The following PIK3C2A variants were observed in gnomAD, a reference collection of about 807,000 sequenced individuals.
PIK3C2A encodes phosphatidylinositol-4-phosphate 3-kinase catalytic subunit type 2 alpha.
Under a neutral mutation model 204.5 loss-of-function variants are expected in PIK3C2A, and 97 were observed. The ratio of observed to expected loss-of-function variants is 0.47; its 90% CI spans 0.40 to 0.56. The LOEUF is 0.56. PIK3C2A is among the 20% of genes least tolerant of loss of function. The probability of loss-of-function intolerance (pLI) is 0.00; values close to 1 mark genes in which losing one functional copy is unlikely to be tolerated. For missense variants in PIK3C2A, 1,735 were observed against 1,969.2 expected, an observed-to-expected ratio of 0.88 and a Z score of 2.25; for synonymous variants, 653 against 664.4, an observed-to-expected ratio of 0.98 and a Z score of 0.26.
At chr11:17,193,830 G>C (rs1852023745) in intron 1 of PIK3C2A, 1 of 151,188 alleles carries the variant, frequency 6.6e-6, no homozygotes. Context: ...TGGCAACAGA[G>C]CGAGACTCTG....
intron 1 of PIK3C2A, among the ~76,000 whole-genome samples, chr11:17,176,122 G>A (rs1851329852): frequency 6.6e-6 from 1 of 151,474 alleles, no homozygotes; most frequent in Non-Finnish European, 1.5e-5. Flanking sequence ...TCCTGCCTCA[G>A]CCTCCTGAGT....
intron 13 of PIK3C2A, 48 bp downstream of exon 13, chr11:17,129,252 T>C: frequency 1.4e-6 from 2 of 1,455,574 alleles, no homozygotes; most frequent in Non-Finnish European, 1.9e-6. Context: ...AATTCTGATG[T>C]GCAGATGTGT....
At position 17,089,812 on chromosome 11, in the gene PIK3C2A, G is replaced by C; in HGVS notation, c.4987C>G (p.Leu1663Val). Residue 1663 changes from leucine (L) to valine (V), a missense_variant, in exon 33 of 33, where the codon CTG (leucine) becomes GTG (valine). By Grantham distance (32) the Leu-to-Val change is conservative (BLOSUM62 1). Coordinates refer to ENST00000691414, the MANE Select transcript of PIK3C2A (RefSeq NM_002645.4). ...RENFFLGGVT[L>V]PLKDFNLSKE... Reference sequence around the variant, plus strand: ...CTCAAGTTGAAATCTTTCAAAGGCAGGGTTACTCCACCCAAGAAAAAATTC... The same window carrying C: ...CTCAAGTTGAAATCTTTCAAAGGCACGGTTACTCCACCCAAGAAAAAATTC... The C allele has an allele frequency of 6.2e-7, 1 of 1,613,886 alleles. No homozygotes were observed. The highest frequency in any genetic ancestry group is 1.1e-5 in the South Asian group (1 of 91,078).
chr11:17,130,703 AG>A (rs1254321094), intron 12 of PIK3C2A, among the ~76,000 whole-genome samples: 1 of 151,090 alleles, frequency 6.6e-6, no homozygotes, highest in African/African-American at 2.4e-5. Context: ...GCTACTCAGG[AG>A]GCTGAGGCAG....
chr11:17,090,034 C>T (rs749977821), intron 32 of PIK3C2A, 114 bp from the exon 33 acceptor site: 12 of 741,240 alleles, frequency 1.6e-5, no homozygotes, highest in Non-Finnish European at 2.5e-5. Context: ...CAATGAGTGA[C>T]ACTGATTATG....
chr11:17,146,032 T>G (rs1850232259), intron 6 of PIK3C2A, 90 bp from the exon 7 acceptor site: 2 of 875,206 alleles, frequency 2.3e-6, no homozygotes, highest in African/African-American at 1.7e-5. Context: ...TGATAAAATC[T>G]TGCAACTAAA....
At chr11:17,148,829 AT>A in intron 4 of PIK3C2A, 42 bp from the exon 5 acceptor site, 1 of 1,544,056 alleles carries the variant, frequency 6.5e-7, no homozygotes, top group Non-Finnish European at 8.9e-7. Flanking sequence ...GCTCATTTAT[AT>A]TTATTCAAGA....
intron 17 of PIK3C2A, 56 bp from the exon 18 acceptor site, chr11:17,118,795 A>C: frequency 1.3e-6 from 1 of 796,280 alleles, no homozygotes; most frequent in Non-Finnish European, 2.1e-6. Context: ...AAATTGTTCC[A>C]ATAAAACTAT....
At position 17,169,274 on chromosome 11, in the gene PIK3C2A, A is replaced by G. The variant is rs935434063; in HGVS notation, c.468T>C (p.Ser156=). 4.3e-6 allele frequency: 7 copies of G among 1,614,064 alleles called. No homozygotes were observed. Among genetic ancestry groups the G allele is most frequent in the Non-Finnish European group, 5.9e-6 (7 of 1,180,010 alleles). Residue 156 remains serine, a synonymous_variant, in exon 2 of 33, where the codon TCT becomes TCC. Coordinates refer to ENST00000691414, the MANE Select transcript of PIK3C2A (RefSeq NM_002645.4). ...GTTTACTGTAAGTAGAAGGATAAAT[A>G]GAAGGTAAAGCATAAGTGGAAGGCC... ...LPGPSTYALP[S]IYPSTYSKQA... is the part of the protein sequence containing the mutation.
chr11:17,161,900 C>T (rs1450768197), intron 2 of PIK3C2A, among the ~76,000 whole-genome samples: 4 of 152,144 alleles, frequency 2.6e-5, no homozygotes. Context: ...TGAATTGTGC[C>T]ATGGATTTCC....
chr11:17,097,302 G>C (rs1254881096), intron 26 of PIK3C2A, 38 bp from the exon 27 acceptor site: 2 of 1,247,174 alleles, frequency 1.6e-6, no homozygotes, highest in Non-Finnish European at 2.3e-6. Flanking sequence ...CAGTAAATGA[G>C]AACACATGGT....
intron 8 of PIK3C2A, among the ~76,000 whole-genome samples, chr11:17,144,387 T>C (rs1388203695): frequency 6.6e-6 from 1 of 152,142 alleles, no homozygotes; most frequent in Non-Finnish European, 1.5e-5. Context: ...TCACCACTAG[T>C]TTTTAAGTTC....
At chr11:17,169,911 A>AATACTACAAAAAT in intron 1 of PIK3C2A, 105 bp from the exon 2 acceptor site, 1 of 569,484 alleles carries the variant, frequency 1.8e-6, no homozygotes, top group East Asian at 2.9e-5. Context: ...ACTTAGAAAA[A>AATACTACAAAAAT]TATACTACAA....
intron 2 of PIK3C2A, among the ~76,000 whole-genome samples, chr11:17,161,368 T>C (rs1850770732): frequency 6.6e-6 from 1 of 152,246 alleles, no homozygotes; most frequent in East Asian, 1.9e-4. Flanking sequence ...TTTGCTCTTC[T>C]TTAAAATTAA....
chr11:17,103,869 G>T lies in PIK3C2A; in HGVS notation c.3682-1038C>A, dbSNP rs143370374. Among the ~76,000 whole-genome samples, 329 of 152,222 alleles carry T rather than the reference G, an allele frequency of 2.2e-3. 1 individual carries two copies. Among genetic ancestry groups the T allele is most frequent in the Middle Eastern group, 0.014 (4 of 294 alleles). Reference sequence around the variant, plus strand: ...AAAGATGCTTAATGTATGCTACTTGGCAATTATTTCCTCACCAGGAATCAC... The same window carrying T: ...AAAGATGCTTAATGTATGCTACTTGTCAATTATTTCCTCACCAGGAATCAC... On this transcript the variant is annotated intron_variant, in intron 23 of 32. Transcript: ENST00000691414.
chr11:17,114,388 A>T lies in PIK3C2A; in HGVS notation c.3294T>A (p.Ser1098Arg), dbSNP rs772333520. ...TAATATTTAATTCTTTTGCCACTAG[A>T]CTTGGCTTGAGAGGGAGACGGCATT... ...KNKCRLPLKP[S>R]LVAKELNIKS... The change falls in exon 20 of 33, where the codon AGT becomes AGA. Residue 1098 changes from serine (S) to arginine (R), a missense_variant. Ser to Arg is a moderately radical substitution (Grantham distance 110). This residue lies in a region of PIK3C2A where 567 missense variants were observed against 576.0 expected (regional missense o/e 0.98). Transcript: ENST00000691414. 2.6e-6 allele frequency: 4 copies of T among 1,562,770 alleles called. No homozygotes were observed. The African/African-American group carries it at 5.4e-5, about 21-fold the overall frequency.
At chr11:17,164,568 T>C (rs1180536357) in intron 2 of PIK3C2A, among the ~76,000 whole-genome samples, 1 of 152,222 alleles carries the variant, frequency 6.6e-6, no homozygotes, top group East Asian at 1.9e-4. Context: ...GTTGATATGC[T>C]ACACTGTAGT....
rs745949141 is a variant in PIK3C2A, at chr11:17,145,944, TAAAC to T, written c.1561-6_1561-3del. On this transcript the variant is annotated splice_region_variant and splice_polypyrimidine_tract_variant and intron_variant, in intron 6 of 32. Transcript: ENST00000691414. ...CACGGGTGTTTCATCATCTTCTGCC[TAAAC>T]AAACACATATACACAAAAAAATCAC... The T allele has an allele frequency of 5.0e-6, 8 of 1,610,352 alleles. No individual in the cohort carries two copies. Among genetic ancestry groups the T allele is most frequent in the Non-Finnish European group, 6.8e-6 (8 of 1,177,402 alleles).
At chr11:17,135,675 A>G (rs1439251786) in intron 9 of PIK3C2A, among the ~76,000 whole-genome samples, 1 of 87,868 alleles carries the variant, frequency 1.1e-5, no homozygotes, top group East Asian at 3.0e-4. Context: ...GTAATTTCAT[A>G]TATGTGTGTG....
Sources: allele counts gnomAD v4.1 joint callset (sites outside exome capture counted in the v4.1 genomes callset), GRCh38; gene constraint gnomAD v4.1.1; regional missense constraint gnomAD v4.1.1; transcripts MANE v1.5; gene names NCBI Gene and HGNC (gene_info 2026-07-23, HGNC 2026-07-21).